Variants in CLASP2 observed in about 807,000 individuals in gnomAD.
CLASP2 encodes the protein CLIP-associating protein 2.
CLASP2 carries 47 observed loss-of-function variants against 194.4 expected under a neutral mutation model. The observed-to-expected ratio is 0.24, with a 90% CI of 0.19 to 0.31. The LOEUF (loss-of-function observed/expected upper bound fraction) is 0.31. Among genes scored for constraint, CLASP2 ranks in the 10% least tolerant of loss-of-function variants. CLASP2 has a pLI of 1.00. For missense variants in CLASP2, 1,445 were observed against 1,823.6 expected (o/e 0.79, Z 3.78); for synonymous variants, 619 against 633.5 (o/e 0.98, Z 0.34).
At chr3:33,632,465 CA>C (rs1301080774) in intron 8 of CLASP2, 94 bp from the exon 9 acceptor site, 2 of 844,160 alleles carry the variant, frequency 2.4e-6, no homozygotes, top group Non-Finnish European at 3.6e-6. Context: ...TTGATATCAA[CA>C]AAAGTATAAT....
chr3:33,507,276 C>T (rs1282724063), intron 37 of CLASP2, among the ~76,000 whole-genome samples: 5 of 151,980 alleles, frequency 3.3e-5, no homozygotes, highest in Admixed American at 3.3e-4. Context: ...CAGTTGATAA[C>T]CTCCTCTTCC....
chr3:33,538,675 A>C, intron 33 of CLASP2, 114 bp downstream of exon 33: 1 of 837,742 alleles, frequency 1.2e-6, no homozygotes, highest in Non-Finnish European at 1.8e-6. Context: ...ATACTTGTAG[A>C]GTGACTGATC....
At chr3:33,546,453 T>C (rs1019042209) in intron 30 of CLASP2, among the ~76,000 whole-genome samples, 6 of 152,190 alleles carry the variant, frequency 3.9e-5, no homozygotes, top group Non-Finnish European at 7.4e-5. Context: ...TTTTACTAGA[T>C]TTCATATTTC....
At chr3:33,668,884 T>C (rs2086653213) in intron 6 of CLASP2, among the ~76,000 whole-genome samples, 1 of 152,182 alleles carries the variant, frequency 6.6e-6, no homozygotes, top group Admixed American at 6.5e-5. Flanking sequence ...GCCAAGTGAC[T>C]ACCCACTTCG....
At chr3:33,605,352 T>C (rs1466718044) in intron 16 of CLASP2, among the ~76,000 whole-genome samples, 1 of 152,198 alleles carries the variant, frequency 6.6e-6, no homozygotes, top group African/African-American at 2.4e-5. Flanking sequence ...CAAATTTAAA[T>C]AGAAGTTTAA....
At chr3:33,628,099 C>T (rs1006846328) in intron 9 of CLASP2, among the ~76,000 whole-genome samples, 1 of 152,140 alleles carries the variant, frequency 6.6e-6, no homozygotes, top group Non-Finnish European at 1.5e-5. Flanking sequence ...AACCGCCTTA[C>T]ATCTTTCACT....
Position 33,588,613 on chromosome 3 carries a change from C to G in CLASP2, c.2069-3693G>C, listed in dbSNP as rs961140118. 28 of 670,782 alleles carry G rather than the reference C, an allele frequency of 4.2e-5. No individual in the cohort carries two copies. In the African/African-American group the frequency reaches 4.5e-4, roughly 11 times the overall value. 41.6% of individuals were successfully genotyped at this position (670,782 alleles called of 1,614,324 possible). On this transcript the variant is annotated intron_variant, in intron 21 of 38. Coordinates refer to ENST00000682230, the MANE Select transcript of CLASP2 (RefSeq NM_001365631.1). ...TATGACTACAAATGATAGACTATGA[C>G]GTTAAGAATTTCTGCTGAATAGAAC...
At chr3:33,576,145 T>C (rs749754560) in intron 24 of CLASP2, 24 bp downstream of exon 24, 4 of 1,574,022 alleles carry the variant, frequency 2.5e-6, no homozygotes, top group Non-Finnish European at 3.5e-6. Flanking sequence ...ACATTTATAA[T>C]GATAAGAAAA....
At chr3:33,525,918 G>T (rs1178608849) in intron 34 of CLASP2, among the ~76,000 whole-genome samples, 2 of 152,180 alleles carry the variant, frequency 1.3e-5, no homozygotes, top group South Asian at 4.1e-4. Flanking sequence ...CCCTAAGAAG[G>T]AGCTCCCAGC....
At chr3:33,552,366 C>T (rs1347676558) in intron 29 of CLASP2, among the ~76,000 whole-genome samples, 1 of 152,128 alleles carries the variant, frequency 6.6e-6, no homozygotes, top group African/African-American at 2.4e-5. Flanking sequence ...ATCCGCCTGC[C>T]TCAGTCTCCC....
intron 13 of CLASP2, among the ~76,000 whole-genome samples, chr3:33,610,100 C>T (rs2074820813): frequency 6.6e-6 from 1 of 152,202 alleles, no homozygotes; most frequent in Non-Finnish European, 1.5e-5. Flanking sequence ...CAGTTCAACA[C>T]AGTTCTAGTT....
At chr3:33,618,077 C>T (rs749778077) in intron 12 of CLASP2, among the ~76,000 whole-genome samples, 1 of 150,886 alleles carries the variant, frequency 6.6e-6, no homozygotes, top group African/African-American at 2.4e-5. Context: ...GCTTCCCGAG[C>T]GGCTGGGATT....
intron 6 of CLASP2, among the ~76,000 whole-genome samples, chr3:33,670,190 A>G (rs903397288): frequency 6.6e-6 from 1 of 152,214 alleles, no homozygotes; most frequent in African/African-American, 2.4e-5. Context: ...TGATTCTATT[A>G]ATATAAAATT....
chr3:33,697,489 G>A (rs753736208), intron 1 of CLASP2, among the ~76,000 whole-genome samples: 1 of 152,152 alleles, frequency 6.6e-6, no homozygotes, highest in African/African-American at 2.4e-5. Context: ...CAATTATGAC[G>A]TCACCAGGCA....
At chr3:33,692,884 ATTTT>A (rs750092253) in intron 2 of CLASP2, among the ~76,000 whole-genome samples, 1 of 151,592 alleles carries the variant, frequency 6.6e-6, no homozygotes, top group East Asian at 1.9e-4. Flanking sequence ...AACTCTTAGT[ATTTT>A]TTTTTCTTTT....
In CLASP2 at chr3:33,535,434, G is replaced by A; in HGVS notation, c.3586C>T (p.Pro1196Ser). ...TCAGTAGCATCACCTCCTGCTCTTG[G>A]GTCAGACATCCCAGGACCACCACAC... ...SMCGGPGMSDPRAGGDATDSS... is the reference protein window; with the variant it reads ...SMCGGPGMSDSRAGGDATDSS... Residue 1196 changes from proline to serine, a missense_variant, in exon 34 of 39, where the codon CCA (proline) becomes TCA (serine). By Grantham distance (74) the Pro-to-Ser change is moderately conservative. This residue lies in a region of CLASP2 where 732 missense variants were observed against 987.9 expected (regional missense o/e 0.74). Transcript: ENST00000682230. The A allele has an allele frequency of 1.9e-6, 3 of 1,613,784 alleles. No homozygotes were observed. Among genetic ancestry groups the A allele is most frequent in the Non-Finnish European group, 2.5e-6 (3 of 1,179,810 alleles).
At chr3:33,688,490 G>A in intron 3 of CLASP2, 122 bp from the exon 4 acceptor site, 1 of 731,842 alleles carries the variant, frequency 1.4e-6, no homozygotes. Flanking sequence ...TCAGACTGTT[G>A]TTCATTTCTC....
chr3:33,519,907 A>G (rs1251450036), intron 34 of CLASP2, among the ~76,000 whole-genome samples: 2 of 152,240 alleles, frequency 1.3e-5, no homozygotes, highest in Admixed American at 1.3e-4. Flanking sequence ...TTTACCAAAT[A>G]TAAAATATGT....
chr3:33,663,711 T>A (rs1448834596), intron 6 of CLASP2, among the ~76,000 whole-genome samples, 196 bp from the exon 7 acceptor site: 1 of 152,078 alleles, frequency 6.6e-6, no homozygotes, highest in Non-Finnish European at 1.5e-5. Flanking sequence ...AAGTCACATA[T>A]AGGTAGGACT....
Sources: gnomAD v4.1 joint callset for allele counts (sites outside exome capture counted in the v4.1 genomes callset) on GRCh38, gnomAD v4.1.1 for gene constraint, gnomAD v4.1.1 regional missense constraint, MANE v1.5 for transcripts, NCBI Gene and HGNC (gene_info 2026-07-23, HGNC 2026-07-21) for gene names.